EFEMP1: variants seen among roughly 807,000 people sequenced by gnomAD.
EFEMP1 encodes EGF-containing fibulin-like extracellular matrix protein 1.
EFEMP1 carries 18 observed loss-of-function variants against 65.7 expected under a neutral mutation model. The observed-to-expected ratio is 0.27, with a 90% CI of 0.19 to 0.41. The LOEUF is 0.41. Among genes scored for constraint, EFEMP1 ranks in the 10% least tolerant of loss-of-function variants. The pLI, the probability that EFEMP1 is intolerant of heterozygous loss-of-function variation, is 1.00. For synonymous variants in EFEMP1, 237 were observed against 219.7 expected (o/e 1.08, Z -0.70); for missense variants, 469 against 624.8 (o/e 0.75, Z 2.66).
Position 55,893,114 on chromosome 2 carries a change from G to C in EFEMP1, c.518-11380C>G, listed in dbSNP as rs537044291. Among the ~76,000 whole-genome samples the C allele has an allele frequency of 1.3e-5, 2 of 152,230 alleles. 1 individual carries two copies. The highest frequency in any genetic ancestry group is 4.8e-5 in the African/African-American group (2 of 41,564). On this transcript the variant is annotated intron_variant, in intron 5 of 11. Coordinates refer to ENST00000355426, the MANE Select transcript of EFEMP1 (RefSeq NM_001039348.3). The stretch of plus-strand genomic sequence containing the variant: ...CTGTGAGGCTGCCAGATAGGTGTAA[G>C]GGGGTACCCTGTCAGTGACCTTCAA...
chr2:55,919,542 C>T lies in EFEMP1; in HGVS notation c.82-1275G>A, dbSNP rs1188246828. ...TCAGGAAACAATCTGATCAGACGCT[C>T]ATTTGAGAAAGTCACTGTAAGGAAG... On this transcript the variant is annotated intron_variant, in intron 3 of 11. Coordinates refer to ENST00000355426, the MANE Select transcript of EFEMP1 (RefSeq NM_001039348.3). This position sits in a 1 kb window ranked among gnomAD's most constrained non-coding sequence, Gnocchi z 4.5. Among the ~76,000 whole-genome samples the T allele has an allele frequency of 3.3e-5, 5 of 152,176 alleles. No homozygotes were observed. The highest frequency in any genetic ancestry group is 1.2e-4 in the African/African-American group (5 of 41,442).
intron 5 of EFEMP1, among the ~76,000 whole-genome samples, chr2:55,888,975 G>A (rs1242729374): frequency 6.6e-6 from 1 of 152,122 alleles, no homozygotes; most frequent in East Asian, 1.9e-4. Flanking sequence ...CCCGGCTCCG[G>A]CTCAAACACT....
At chr2:55,893,139 A>G (rs1669696197) in intron 5 of EFEMP1, among the ~76,000 whole-genome samples, 1 of 152,146 alleles carries the variant, frequency 6.6e-6, no homozygotes, top group Non-Finnish European at 1.5e-5. Context: ...GTGACCTTCA[A>G]TTACGAATCT....
chr2:55,877,806 A>C lies in EFEMP1; in HGVS notation c.700T>G (p.Ser234Ala), dbSNP rs1364704639. ...CHQRCVNTPG[S>A]FYCQCSPGFQ... ...CCAGGACTGCACTGGCAATAAAATGAGCCTGGTGTATTCACGCATCTTTGG... is the reference window on the plus strand; with the variant it reads ...CCAGGACTGCACTGGCAATAAAATGCGCCTGGTGTATTCACGCATCTTTGG... The change falls in exon 7 of 12, where the codon TCA (serine) becomes GCA (alanine). Residue 234 changes from serine to alanine, a missense_variant. Physicochemically the swap from Ser to Ala is moderately conservative, Grantham distance 99 (BLOSUM62 1). Coordinates refer to ENST00000355426, the MANE Select transcript of EFEMP1 (RefSeq NM_001039348.3). This position sits in a 1 kb window ranked among gnomAD's most constrained non-coding sequence, Gnocchi z 4.5. 2 of 1,613,186 alleles carry C rather than the reference A, an allele frequency of 1.2e-6. No individual in the cohort carries two copies. The highest frequency in any genetic ancestry group is 2.7e-5 in the African/African-American group (2 of 74,876).
At chr2:55,896,204 T>C (rs934343570) in intron 5 of EFEMP1, among the ~76,000 whole-genome samples, 4 of 152,260 alleles carry the variant, frequency 2.6e-5, no homozygotes, top group Admixed American at 2.6e-4. Context: ...GACGCTTCCA[T>C]AGTATTTACA....
chr2:55,923,105 C>T lies in EFEMP1; in HGVS notation c.-48-166G>A, dbSNP rs1444384311. Reference sequence around the variant, plus strand: ...AGCACAAACTCTCAAAGTGGCATTTCCACGCCTTTCTCTGCGCACAGCTTT... The same window carrying T: ...AGCACAAACTCTCAAAGTGGCATTTTCACGCCTTTCTCTGCGCACAGCTTT... On this transcript the variant is annotated intron_variant, in intron 1 of 11. Coordinates refer to ENST00000355426, the MANE Select transcript of EFEMP1 (RefSeq NM_001039348.3). This position sits in a 1 kb window ranked among gnomAD's most constrained non-coding sequence, Gnocchi z 5.3. Among the ~76,000 whole-genome samples the T allele has an allele frequency of 3.3e-5, 5 of 152,216 alleles. No homozygotes were observed. Among genetic ancestry groups the T allele is most frequent in the Admixed American group, 3.3e-4 (5 of 15,286 alleles).
chr2:55,875,365 C>CACACACAT (rs1457478860), intron 8 of EFEMP1, among the ~76,000 whole-genome samples: 5 of 137,184 alleles, frequency 3.6e-5, no homozygotes, highest in South Asian at 6.1e-4. Context: ...CACACACACA[C>CACACACAT]ATATATATTT....
Position 55,870,791 on chromosome 2 carries a change from T to C in EFEMP1, c.1249A>G (p.Thr417Ala), listed in dbSNP as rs962983556. The C allele has an allele frequency of 1.9e-6, 3 of 1,613,754 alleles. No homozygotes were observed. Among genetic ancestry groups the C allele is most frequent in the Non-Finnish European group, 2.5e-6 (3 of 1,179,824 alleles). The change falls in exon 11 of 12, where the codon ACT becomes GCT. Residue 417 changes from threonine (T) to alanine (A), a missense_variant. This residue lies in a region of EFEMP1 where 399 missense variants were observed against 528.2 expected (regional missense o/e 0.76). Coordinates refer to ENST00000355426, the MANE Select transcript of EFEMP1 (RefSeq NM_001039348.3). The surrounding 1 kb of genome is among the most constrained non-coding windows in gnomAD (Gnocchi z 5.8). ...GTATTGATGGTGTTGGCATAAATAG[T>C]TGTGGCCTGTATCTGGAAGATGTCT... ...PSDIFQIQAT[T>A]IYANTINTFR...
At chr2:55,887,900 A>G (rs993555323) in intron 5 of EFEMP1, among the ~76,000 whole-genome samples, 1 of 152,198 alleles carries the variant, frequency 6.6e-6, no homozygotes, top group African/African-American at 2.4e-5. Flanking sequence ...GAAAAAAATC[A>G]TGCTACTTCG....
At chr2:55,893,103 G>C (rs2104411348) in intron 5 of EFEMP1, among the ~76,000 whole-genome samples, 1 of 152,222 alleles carries the variant, frequency 6.6e-6, no homozygotes, top group Admixed American at 6.5e-5. Context: ...GAGGCTGCCA[G>C]ATAGGTGTAA....
Position 55,921,439 on chromosome 2 carries a change from AT to A in EFEMP1, c.81+920del, listed in dbSNP as rs909314346. ...ATTTTTAAGAGTTTTCTTTTCAAAA[AT>A]TTTTCACATTCTTTCGAGTAGGATT... On this transcript the variant is annotated intron_variant, in intron 3 of 11. Coordinates refer to ENST00000355426, the MANE Select transcript of EFEMP1 (RefSeq NM_001039348.3). This position sits in a 1 kb window ranked among gnomAD's most constrained non-coding sequence, Gnocchi z 4.1. 2.6e-5 allele frequency among the ~76,000 whole-genome samples: 4 copies of A among 152,172 alleles called. No homozygotes were observed. The highest frequency in any genetic ancestry group is 5.9e-5 in the Non-Finnish European group (4 of 68,018).
In EFEMP1 at chr2:55,877,625, T is replaced by C. The variant is rs1032063723; in HGVS notation, c.760+121A>G. ...GGTTATTATCTTTTAAGCTTTATGA[T>C]TGCTGAAGGGAAGTCGATGGAAACT... On this transcript the variant is annotated intron_variant, in intron 7 of 11. Coordinates refer to ENST00000355426, the MANE Select transcript of EFEMP1 (RefSeq NM_001039348.3). The surrounding 1 kb of genome is among the most constrained non-coding windows in gnomAD (Gnocchi z 4.5). 1.2e-5 allele frequency: 17 copies of C among 1,452,880 alleles called. No individual in the cohort carries two copies. Among genetic ancestry groups the C allele is most frequent in the Admixed American group, 1.7e-5 (1 of 57,558 alleles). 90.0% of individuals were successfully genotyped at this position (1,452,880 alleles called of 1,614,324 possible). A position where few individuals can be genotyped will look rare whatever the true frequency, so the allele number is the denominator to read the frequency against.
intron 5 of EFEMP1, among the ~76,000 whole-genome samples, chr2:55,895,678 A>G (rs1669801096): frequency 6.6e-6 from 1 of 151,140 alleles, no homozygotes; most frequent in African/African-American, 2.4e-5. Context: ...AGTAGCTGGG[A>G]CTACAGGCGC....
At chr2:55,900,256 T>C (rs1669980692) in intron 5 of EFEMP1, among the ~76,000 whole-genome samples, 2 of 152,190 alleles carry the variant, frequency 1.3e-5, no homozygotes, top group Non-Finnish European at 2.9e-5. Flanking sequence ...ATGAGCAGAA[T>C]GCTTTTTTCC....
At chr2:55,910,881 T>C (rs1376308487) in intron 5 of EFEMP1, among the ~76,000 whole-genome samples, 1 of 152,174 alleles carries the variant, frequency 6.6e-6, no homozygotes, top group African/African-American at 2.4e-5. Context: ...GAAGGATACT[T>C]TACAGTCAAA....
At chr2:55,894,860 G>A (rs983896570) in intron 5 of EFEMP1, among the ~76,000 whole-genome samples, 3 of 152,154 alleles carry the variant, frequency 2.0e-5, no homozygotes, top group Admixed American at 1.3e-4. Flanking sequence ...TATGGTAATA[G>A]GGTGATGAAT....
At chr2:55,900,392 G>A (rs1260840642) in intron 5 of EFEMP1, among the ~76,000 whole-genome samples, 1 of 151,440 alleles carries the variant, frequency 6.6e-6, no homozygotes, top group Non-Finnish European at 1.5e-5. Context: ...CCTCTACCTG[G>A]CTGTGAGGCA....
intron 6 of EFEMP1, among the ~76,000 whole-genome samples, chr2:55,880,702 AG>A (rs1383876533): frequency 2.0e-5 from 3 of 152,194 alleles, no homozygotes; most frequent in African/African-American, 7.2e-5. Context: ...TGTGGTAAGA[AG>A]GGGTATGTAA....
rs1187297294 is a variant in EFEMP1, at chr2:55,885,838, AT to A, written c.518-4105del. On this transcript the variant is annotated intron_variant, in intron 5 of 11. Coordinates refer to ENST00000355426, the MANE Select transcript of EFEMP1 (RefSeq NM_001039348.3). The surrounding 1 kb of genome is among the most constrained non-coding windows in gnomAD (Gnocchi z 4.3). Reference sequence around the variant, plus strand: ...CCATTAAGTCCCTGCTTAGGCCCTCATTCTCTATGTTTTTGGCTCCTTCCCT... The same window carrying A: ...CCATTAAGTCCCTGCTTAGGCCCTCATCTCTATGTTTTTGGCTCCTTCCCT... Among the ~76,000 whole-genome samples the A allele has an allele frequency of 6.6e-6, 1 of 152,048 alleles. No homozygotes were observed. The highest frequency in any genetic ancestry group is 1.5e-5 in the Non-Finnish European group (1 of 68,026).
Sources: gnomAD v4.1 joint callset for allele counts (sites outside exome capture counted in the v4.1 genomes callset) on GRCh38, gnomAD v4.1.1 for gene constraint, gnomAD v4.1.1 regional missense constraint, Gnocchi (gnomAD v3.1) non-coding constraint, MANE v1.5 for transcripts, NCBI Gene and HGNC (gene_info 2026-07-23, HGNC 2026-07-21) for gene names.